The following LRRC4C variants were observed in gnomAD, a reference collection of about 807,000 sequenced individuals.
LRRC4C encodes the protein leucine-rich repeat-containing protein 4C.
Under a neutral mutation model 33.6 loss-of-function variants are expected in LRRC4C, and 5 were observed. That is an observed-to-expected ratio of 0.15 (90% CI 0.08 to 0.31). The LOEUF is 0.31. Ranked by LOEUF, LRRC4C falls within the 10% of genes least tolerant of loss-of-function variation. The pLI, the probability that LRRC4C is intolerant of heterozygous loss-of-function variation, is 1.00. For missense variants in LRRC4C, 560 were observed against 796.7 expected (o/e 0.70, Z 3.58); for synonymous variants, 329 against 302.0 (o/e 1.09, Z -0.93).
intron 3 of LRRC4C, among the ~76,000 whole-genome samples, chr11:40,500,886 A>G (rs960308881): frequency 1.3e-5 from 2 of 152,150 alleles, no homozygotes; most frequent in African/African-American, 4.8e-5. Flanking sequence ...TTCACAGTCC[A>G]AAGTCTTATC....
At chr11:41,227,684 A>C (rs917722424) in intron 1 of LRRC4C, among the ~76,000 whole-genome samples, 2 of 151,820 alleles carry the variant, frequency 1.3e-5, no homozygotes, top group African/African-American at 4.8e-5. Flanking sequence ...TAACCTCCGA[A>C]CTTTTTTCTT....
intron 1 of LRRC4C, among the ~76,000 whole-genome samples, chr11:40,994,144 G>A (rs987601813): frequency 7.9e-5 from 12 of 151,426 alleles, no homozygotes; most frequent in Non-Finnish European, 1.5e-4. Flanking sequence ...ACACTTTGGC[G>A]TGACACTTTG....
intron 6 of LRRC4C, among the ~76,000 whole-genome samples, chr11:40,128,707 T>C (rs928402439): frequency 6.6e-6 from 1 of 152,112 alleles, no homozygotes; most frequent in African/African-American, 2.4e-5. Flanking sequence ...CATTGGCCTT[T>C]CGTGGTTTCT....
intron 1 of LRRC4C, among the ~76,000 whole-genome samples, chr11:41,163,535 C>T (rs1430068361): frequency 4.0e-5 from 6 of 151,600 alleles, no homozygotes; most frequent in African/African-American, 9.7e-5. Context: ...CTGCTTACCT[C>T]GGCCTCCTAA....
At chr11:40,961,159 A>T (rs1203005180) in intron 1 of LRRC4C, among the ~76,000 whole-genome samples, 1 of 151,738 alleles carries the variant, frequency 6.6e-6, no homozygotes, top group Non-Finnish European at 1.5e-5. Flanking sequence ...GTTATTACAA[A>T]TCTTCTGATA....
chr11:41,343,244 A>C (rs1951696480), intron 1 of LRRC4C, among the ~76,000 whole-genome samples: 1 of 152,212 alleles, frequency 6.6e-6, no homozygotes, highest in Non-Finnish European at 1.5e-5. Flanking sequence ...GATGAACCAA[A>C]TGTAGATGCA....
intron 2 of LRRC4C, among the ~76,000 whole-genome samples, chr11:40,750,129 G>C (rs530814770): frequency 6.6e-6 from 1 of 152,170 alleles, no homozygotes; most frequent in Admixed American, 6.5e-5. Context: ...GGCTGAGGCA[G>C]GAGAATCACT....
rs550659771 is a variant in LRRC4C, at chr11:40,302,941, A to C, written c.-176+16687T>G. The stretch of plus-strand genomic sequence containing the variant: ...AGAACTGCAAATACTTTAAGGCTGG[A>C]ACTTAAGGGAAATGTGTGGCAGGGA... On this transcript the variant is annotated intron_variant, in intron 4 of 6. Coordinates refer to ENST00000528697, the MANE Select transcript of LRRC4C (RefSeq NM_001258419.2). 8.5e-5 allele frequency among the ~76,000 whole-genome samples: 13 copies of C among 152,300 alleles called. No homozygotes were observed. In the South Asian group the frequency reaches 2.7e-3, roughly 32 times the overall value.
At chr11:40,969,760 C>A (rs1376572325) in intron 1 of LRRC4C, among the ~76,000 whole-genome samples, 1 of 152,114 alleles carries the variant, frequency 6.6e-6, no homozygotes, top group Non-Finnish European at 1.5e-5. Context: ...TTTATATAAA[C>A]ACAGAAATTA....
At chr11:40,394,022 T>A (rs1037726398) in intron 3 of LRRC4C, among the ~76,000 whole-genome samples, 2 of 151,124 alleles carry the variant, frequency 1.3e-5, no homozygotes, top group Non-Finnish European at 2.9e-5. Context: ...CCATGAAGAG[T>A]AAGAAGGGGA....
intron 3 of LRRC4C, among the ~76,000 whole-genome samples, chr11:40,487,911 C>T (rs1422008359): frequency 1.3e-5 from 2 of 152,010 alleles, no homozygotes; most frequent in African/African-American, 2.4e-5. Flanking sequence ...TTGCATTTTG[C>T]TTAGAATTCC....
intron 4 of LRRC4C, among the ~76,000 whole-genome samples, chr11:40,272,174 T>G (rs1942756355): frequency 1.3e-5 from 2 of 152,168 alleles, no homozygotes; most frequent in Admixed American, 1.3e-4. Context: ...GAAAATATTT[T>G]GAAATTTCCA....
intron 3 of LRRC4C, among the ~76,000 whole-genome samples, chr11:40,561,035 T>C (rs1957526770): frequency 6.6e-6 from 1 of 152,210 alleles, no homozygotes; most frequent in South Asian, 2.1e-4. Context: ...CACATTAATG[T>C]AGTTTGACAG....
chr11:40,736,633 G>A (rs1475088678), intron 2 of LRRC4C, among the ~76,000 whole-genome samples: 1 of 152,144 alleles, frequency 6.6e-6, no homozygotes, highest in Non-Finnish European at 1.5e-5. Flanking sequence ...CCCACAAACA[G>A]TGTAAAAGCG....
At chr11:40,391,245 C>T (rs759137674) in intron 3 of LRRC4C, among the ~76,000 whole-genome samples, 14 of 152,064 alleles carry the variant, frequency 9.2e-5, no homozygotes, top group Non-Finnish European at 1.6e-4. Context: ...ATTTCTGGCT[C>T]ACATTTATAC....
chr11:40,273,563 G>C (rs1012154769), intron 4 of LRRC4C, among the ~76,000 whole-genome samples: 1 of 152,054 alleles, frequency 6.6e-6, no homozygotes, highest in Admixed American at 6.6e-5. Flanking sequence ...CCAAGAAAAG[G>C]CCTCTTTACG....
At chr11:40,458,809 C>G (rs570984154) in intron 3 of LRRC4C, among the ~76,000 whole-genome samples, 1 of 152,236 alleles carries the variant, frequency 6.6e-6, no homozygotes, top group Non-Finnish European at 1.5e-5. Context: ...AATATATTCA[C>G]CTTCACTTGG....
chr11:40,709,611 G>A (rs942045757), intron 2 of LRRC4C, among the ~76,000 whole-genome samples: 2 of 152,042 alleles, frequency 1.3e-5, no homozygotes, highest in African/African-American at 2.4e-5. Flanking sequence ...TGGGAAACTC[G>A]ACTTTTCTCT....
intron 1 of LRRC4C, among the ~76,000 whole-genome samples, chr11:41,147,953 G>T (rs369496263): frequency 6.6e-6 from 1 of 152,132 alleles, no homozygotes; most frequent in African/African-American, 2.4e-5. Context: ...TTAGCTGGGC[G>T]TGGTGGCACA....
Sources: allele counts gnomAD v4.1 joint callset (sites outside exome capture counted in the v4.1 genomes callset), GRCh38; gene constraint gnomAD v4.1.1; transcripts MANE v1.5; gene names NCBI Gene and HGNC (gene_info 2026-07-23, HGNC 2026-07-21).